Variants in CNKSR2 observed in about 807,000 individuals in gnomAD.
The protein encoded by CNKSR2 is connector enhancer of kinase suppressor of Ras 2, also known as CNK homolog protein 2.
CNKSR2 carries 14 observed loss-of-function variants against 84.4 expected under a neutral mutation model. The observed-to-expected ratio is 0.17, with a 90% CI of 0.11 to 0.26. The LOEUF (loss-of-function observed/expected upper bound fraction) is 0.26. Among genes scored for constraint, CNKSR2 ranks in the 10% least tolerant of loss-of-function variants. The probability of loss-of-function intolerance (pLI) is 1.00; values close to 1 mark genes in which losing one functional copy is unlikely to be tolerated. For synonymous variants in CNKSR2, 275 were observed against 277.9 expected (o/e 0.99, Z 0.10); for missense variants, 485 against 771.2 (o/e 0.63, Z 4.40).
At chrX:21,550,321 C>T (rs1026618765) in intron 11 of CNKSR2, among the ~76,000 whole-genome samples, 1 of 112,455 alleles carries the variant, frequency 8.9e-6, no homozygotes, top group African/African-American at 3.2e-5. Context: ...AAAAAAAGCT[C>T]ATCATCACTG....
At chrX:21,458,133 T>C (rs2091017271) in intron 4 of CNKSR2, among the ~76,000 whole-genome samples, 1 of 112,329 alleles carries the variant, frequency 8.9e-6, no homozygotes, top group Non-Finnish European at 1.9e-5. Flanking sequence ...TGGACTGTAG[T>C]ATATTTCTCT....
intron 20 of CNKSR2, among the ~76,000 whole-genome samples, chrX:21,647,913 A>G (rs1182511929): frequency 9.0e-6 from 1 of 111,683 alleles, no homozygotes. Flanking sequence ...CTACCACTCC[A>G]AGCAAAATCC....
At position 21,374,945 on chromosome X, in the gene CNKSR2, A is replaced by G. The variant is rs376616200; in HGVS notation, c.48A>G (p.Val16=). The G allele has an allele frequency of 4.1e-6, 5 of 1,205,809 alleles. No homozygotes were observed. The African/African-American group carries it at 7.0e-5, about 17-fold the overall frequency. ...TGAGCAAATGGTCTCCGAGTCAAGT[A>G]GTGGACTGGATGAAAGGTAATGCCC... is the stretch of plus-strand genomic sequence containing the variant. The part of the protein sequence containing the change: ...EPVSKWSPSQ[V]VDWMKGLDDC... Residue 16 remains valine (V), a synonymous_variant, in exon 1 of 22, where the codon GTA becomes GTG. Coordinates refer to ENST00000379510, the MANE Select transcript of CNKSR2 (RefSeq NM_014927.5).
At chrX:21,565,146 C>T (rs1311514916) in intron 13 of CNKSR2, among the ~76,000 whole-genome samples, 1 of 111,379 alleles carries the variant, frequency 9.0e-6, no homozygotes, top group African/African-American at 3.3e-5. Context: ...AAGAGACCAT[C>T]ACTTTGACTC....
chrX:21,461,384 G>T (rs773570335), intron 4 of CNKSR2, among the ~76,000 whole-genome samples: 4 of 111,817 alleles, frequency 3.6e-5, no homozygotes, highest in Non-Finnish European at 5.7e-5. Context: ...CAGATTATTA[G>T]ATTTTTTTTT....
At chrX:21,394,740 A>T (rs187130583) in intron 1 of CNKSR2, among the ~76,000 whole-genome samples, 146 of 111,770 alleles carry the variant, frequency 1.3e-3, no homozygotes, top group Non-Finnish European at 1.6e-3. Flanking sequence ...TCTTGTCAGA[A>T]GATTGGAATG....
At chrX:21,566,932 G>T (rs1023273063) in intron 13 of CNKSR2, among the ~76,000 whole-genome samples, 1 of 111,762 alleles carries the variant, frequency 8.9e-6, no homozygotes, top group African/African-American at 3.3e-5. Context: ...CCATATATCT[G>T]ATATTCTAGT....
intron 20 of CNKSR2, among the ~76,000 whole-genome samples, chrX:21,628,614 T>A (rs1370340342): frequency 8.9e-6 from 1 of 111,964 alleles, no homozygotes; most frequent in African/African-American, 3.2e-5. Flanking sequence ...GGCTTGGGGC[T>A]TCCACCCTCT....
chrX:21,596,014 GA>G (rs2092449167), intron 17 of CNKSR2, among the ~76,000 whole-genome samples: 1 of 110,477 alleles, frequency 9.1e-6, no homozygotes, highest in Non-Finnish European at 1.9e-5. Context: ...TCCTTTTCTA[GA>G]ATTATAGAAA....
intron 13 of CNKSR2, among the ~76,000 whole-genome samples, chrX:21,571,561 A>G (rs1161179817): frequency 1.8e-5 from 2 of 111,972 alleles, no homozygotes; most frequent in Non-Finnish European, 3.8e-5. Context: ...CATTATTTCT[A>G]TTCTGCAGAA....
At chrX:21,457,190 C>A (rs1343159871) in intron 4 of CNKSR2, among the ~76,000 whole-genome samples, 1 of 111,196 alleles carries the variant, frequency 9.0e-6, no homozygotes, top group Non-Finnish European at 1.9e-5. Context: ...TTTGTTGATT[C>A]TTTCTTTTGC....
chrX:21,532,660 G>A (rs2091896056), intron 11 of CNKSR2, among the ~76,000 whole-genome samples: 2 of 111,022 alleles, frequency 1.8e-5, no homozygotes, highest in African/African-American at 3.3e-5. Flanking sequence ...ATTCATGACC[G>A]AAAAAGTAAC....
chrX:21,521,164 AC>A (rs1341647505), intron 9 of CNKSR2, among the ~76,000 whole-genome samples: 2 of 110,712 alleles, frequency 1.8e-5, no homozygotes, highest in African/African-American at 3.3e-5. Flanking sequence ...TGAAAAAAAA[AC>A]ATTAGTGACA....
At chrX:21,534,082 C>T (rs2091907408) in intron 11 of CNKSR2, among the ~76,000 whole-genome samples, 1 of 109,446 alleles carries the variant, frequency 9.1e-6, no homozygotes, top group Non-Finnish European at 1.9e-5. Flanking sequence ...CTTCAAAATC[C>T]CTCTCCCACT....
At chrX:21,561,745 T>C (rs2092191847) in intron 12 of CNKSR2, among the ~76,000 whole-genome samples, 185 bp downstream of exon 12, 1 of 111,667 alleles carries the variant, frequency 9.0e-6, no homozygotes, top group Admixed American at 9.5e-5. Flanking sequence ...ATATTGTCTC[T>C]GAATGCCTTC....
At chrX:21,479,019 A>C (rs751449967) in intron 5 of CNKSR2, among the ~76,000 whole-genome samples, 1 of 111,673 alleles carries the variant, frequency 9.0e-6, no homozygotes, top group Non-Finnish European at 1.9e-5. Context: ...AATGGCGTAC[A>C]TTGTAACCAT....
At chrX:21,420,621 A>G (rs996356529) in intron 1 of CNKSR2, among the ~76,000 whole-genome samples, 3 of 110,474 alleles carry the variant, frequency 2.7e-5, no homozygotes, top group Admixed American at 9.6e-5. Flanking sequence ...TTAGCTGGTG[A>G]TGAATGGTGC....
intron 1 of CNKSR2, among the ~76,000 whole-genome samples, chrX:21,418,681 GTTGT>G (rs1467007800): frequency 9.0e-6 from 1 of 111,092 alleles, no homozygotes; most frequent in Non-Finnish European, 1.9e-5. Context: ...TCCATTGTAT[GTTGT>G]TTGTTTGTGT....
chrX:21,426,787 G>A (rs2090570906), intron 2 of CNKSR2, 127 bp downstream of exon 2: 9 of 702,451 alleles, frequency 1.3e-5, no homozygotes, highest in Non-Finnish European at 1.8e-5. Flanking sequence ...TTCTCAACCA[G>A]CTGGACCTGA....
Sources: allele counts gnomAD v4.1 joint callset (sites outside exome capture counted in the v4.1 genomes callset), GRCh38; gene constraint gnomAD v4.1.1; transcripts MANE v1.5; gene names NCBI Gene and HGNC (gene_info 2026-07-23, HGNC 2026-07-21).